AHCTF1: variants seen among roughly 807,000 people sequenced by gnomAD.
AHCTF1 encodes the protein protein ELYS.
In AHCTF1, 24 loss-of-function variants were observed where a neutral mutation model predicts 248.4. The observed-to-expected ratio is 0.10, with a 90% CI of 0.07 to 0.14. AHCTF1 has a LOEUF of 0.14. Among genes scored for constraint, AHCTF1 ranks in the 10% least tolerant of loss-of-function variants. The pLI is 1.00. For missense variants in AHCTF1, 2,206 were observed against 2,636.2 expected (o/e 0.84, Z 3.57); for synonymous variants, 786 against 929.8 (o/e 0.85, Z 2.81).
At chr1:246,889,485 A>G (rs1340382520) in intron 17 of AHCTF1, among the ~76,000 whole-genome samples, 1 of 152,224 alleles carries the variant, frequency 6.6e-6, no homozygotes, top group Non-Finnish European at 1.5e-5. Flanking sequence ...CAGATCTAGA[A>G]TTTTAAAATA....
At chr1:246,887,977 T>C (rs1369021989) in intron 19 of AHCTF1, among the ~76,000 whole-genome samples, 200 bp downstream of exon 19, 2 of 152,064 alleles carry the variant, frequency 1.3e-5, no homozygotes, top group African/African-American at 4.8e-5. Context: ...GAAAAACAAA[T>C]AAAAAACAAA....
rs1208123679 is a variant in AHCTF1, at chr1:246,840,571, A to G, written c.*235T>C. 1 of 246,716 alleles carries G rather than the reference A, an allele frequency of 4.1e-6. No homozygotes were observed. Among genetic ancestry groups the G allele is most frequent in the Non-Finnish European group, 7.6e-6 (1 of 131,510 alleles). The allele number at this position is 246,716 out of a possible 1,614,324, so 15.3% of individuals were successfully genotyped here. The stretch of plus-strand genomic sequence containing the variant: ...AAGTATACATTTTATTTAACATTCC[A>G]TTAATAAGCCATATTTACATATATA... On this transcript the variant is annotated 3_prime_UTR_variant, in exon 36 of 36. Coordinates refer to ENST00000648844, the MANE Select transcript of AHCTF1 (RefSeq NM_001323342.2).
rs143330344 is a variant in AHCTF1, at chr1:246,853,205, C to T, written c.4449G>A (p.Ala1483=). The T allele has an allele frequency of 3.4e-4, 553 of 1,613,450 alleles. No individual in the cohort carries two copies. Among genetic ancestry groups the T allele is most frequent in the African/African-American group, 6.9e-4 (52 of 75,004 alleles). Residue 1483 remains alanine (A), a synonymous_variant, in exon 32 of 36, where the codon GCG becomes GCA. Transcript: ENST00000648844. The part of the protein sequence containing the change: ...VSERRLNQEV[A]LNLKEDHEVE... ...CTTCATGATCTTCTTTTAAGTTCAG[C>T]GCTACTTCCTGGTTAAGCCTGCGCT...
chr1:246,877,035 T>C lies in AHCTF1; in HGVS notation c.2852A>G (p.His951Arg), dbSNP rs780245922. ...FLQSSASVQN[H>R]EFLLVHHLQR... ...CAAATGGTGCACTAAAAGGAATTCA[T>C]GATTCTGAACGCTGGCACTGGACTG... is the stretch of plus-strand genomic sequence containing the variant. Residue 951 changes from histidine to arginine, a missense_variant, in exon 23 of 36, where the codon CAT (histidine) becomes CGT (arginine). Physicochemically the swap from His to Arg is conservative, Grantham distance 29 (BLOSUM62 0). Transcript: ENST00000648844. The C allele has an allele frequency of 2.5e-6, 4 of 1,612,078 alleles. No homozygotes were observed. Among genetic ancestry groups the C allele is most frequent in the East Asian group, 4.5e-5 (2 of 44,872 alleles).
chr1:246,899,796 C>CAT (rs1664865638), intron 10 of AHCTF1, among the ~76,000 whole-genome samples: 2 of 152,084 alleles, frequency 1.3e-5, no homozygotes, highest in Admixed American at 6.6e-5. Flanking sequence ...AGATGTGAAA[C>CAT]AGTTAATATC....
intron 4 of AHCTF1, among the ~76,000 whole-genome samples, chr1:246,912,050 C>A (rs537950963): frequency 6.6e-6 from 1 of 151,884 alleles, no homozygotes; most frequent in Non-Finnish European, 1.5e-5. Flanking sequence ...CAGTTTTAAT[C>A]GGTTTTTTTA....
Position 246,891,071 on chromosome 1 carries a change from G to A in AHCTF1, c.1946-11C>T. On this transcript the variant is annotated splice_polypyrimidine_tract_variant and intron_variant, in intron 15 of 35. Transcript: ENST00000648844. Reference sequence around the variant, plus strand: ...TTAAGTCTATCAGTCCTGTAAAGAAGAGTTAACATCAGTTGTTTACTTACA... The same window carrying A: ...TTAAGTCTATCAGTCCTGTAAAGAAAAGTTAACATCAGTTGTTTACTTACA... 6.6e-7 allele frequency: 1 copy of A among 1,520,434 alleles called. No individual in the cohort carries two copies. The highest frequency in any genetic ancestry group is 8.8e-7 in the Non-Finnish European group (1 of 1,137,432). The allele number at this position is 1,520,434 out of a possible 1,614,324, so 94.2% of individuals were successfully genotyped here. A position where few individuals can be genotyped will look rare whatever the true frequency, so the allele number is the denominator to read the frequency against.
intron 3 of AHCTF1, among the ~76,000 whole-genome samples, chr1:246,914,841 A>G (rs1432061309): frequency 2.6e-5 from 4 of 152,150 alleles, no homozygotes; most frequent in Non-Finnish European, 5.9e-5. Context: ...CCTCATCCAA[A>G]TGATCAATGA....
At chr1:246,906,525 T>C (rs547709309) in intron 5 of AHCTF1, among the ~76,000 whole-genome samples, 1 of 151,930 alleles carries the variant, frequency 6.6e-6, no homozygotes, top group Non-Finnish European at 1.5e-5. Context: ...GAGGTTGCAG[T>C]GAGCCAAGAT....
chr1:246,843,477 TA>T (rs879346566), intron 34 of AHCTF1, among the ~76,000 whole-genome samples: 1 of 152,140 alleles, frequency 6.6e-6, no homozygotes, highest in African/African-American at 2.4e-5. Context: ...ACTATTTCTT[TA>T]AAAAACACCC....
chr1:246,868,970 GAGTAGCTGGGACTAC>G (rs530539292), intron 24 of AHCTF1, among the ~76,000 whole-genome samples: 4,195 of 150,924 alleles, frequency 0.028, 84 homozygotes, highest in Middle Eastern at 0.065. Flanking sequence ...TCAGCCTGCT[GAGTAGCTGGGACTAC>G]AGGCGCCCGC....
intron 1 of AHCTF1, among the ~76,000 whole-genome samples, chr1:246,929,873 G>A (rs1488998451): frequency 1.3e-5 from 2 of 152,168 alleles, no homozygotes; most frequent in South Asian, 2.1e-4. Flanking sequence ...CCAATATGGT[G>A]AAACCCCGTC....
intron 14 of AHCTF1, among the ~76,000 whole-genome samples, chr1:246,894,262 T>A (rs995861485): frequency 6.6e-6 from 1 of 152,300 alleles, no homozygotes; most frequent in African/African-American, 2.4e-5. Flanking sequence ...TTTTGGGACA[T>A]CTTCAAATTT....
Position 246,891,902 on chromosome 1 carries a change from C to A in AHCTF1, c.1822G>T (p.Gly608Cys). Residue 608 changes from glycine to cysteine, a missense_variant, in exon 15 of 36, where the codon GGT (glycine) becomes TGT (cysteine). This residue lies in a region of AHCTF1 where 650 missense variants were observed against 870.8 expected (regional missense o/e 0.75). Transcript: ENST00000648844. ...TGTGGATCCATGAAATGACACGAAC[C>A]ATCAAATAATGGCACACCTTTCAAG... Reference protein sequence around the residue: ...FDRLCVPLFDGSCHFMDPQTI... With the variant: ...FDRLCVPLFDCSCHFMDPQTI... The A allele has an allele frequency of 1.3e-6, 2 of 1,594,512 alleles. No individual in the cohort carries two copies. Among genetic ancestry groups the A allele is most frequent in the Middle Eastern group, 1.7e-4 (1 of 6,004 alleles).
Position 246,888,163 on chromosome 1 carries a change from A to T in AHCTF1, c.2325+14T>A. The T allele has an allele frequency of 1.2e-6, 2 of 1,612,926 alleles. No homozygotes were observed. The highest frequency in any genetic ancestry group is 1.7e-6 in the Non-Finnish European group (2 of 1,179,358). On this transcript the variant is annotated intron_variant, in intron 19 of 35. Coordinates refer to ENST00000648844, the MANE Select transcript of AHCTF1 (RefSeq NM_001323342.2). ...AGTAATACATGAAACACTGGATAAA[A>T]CTTAAAAGGATACAATAGAGTGTTT...
intron 12 of AHCTF1, 86 bp downstream of exon 12, chr1:246,898,122 G>A: frequency 6.4e-7 from 1 of 1,567,096 alleles, no homozygotes; most frequent in Non-Finnish European, 8.7e-7. Flanking sequence ...TATTTTTGCA[G>A]AAATTATCTA....
In AHCTF1 at chr1:246,898,354, G is replaced by GT. The variant is rs1261689994; in HGVS notation, c.1495-19dup. The GT allele has an allele frequency of 6.2e-7, 1 of 1,603,046 alleles. No homozygotes were observed. Among genetic ancestry groups the GT allele is most frequent in the South Asian group, 1.1e-5 (1 of 88,418 alleles). ...GTCAAAGTCTGTAACAGATAAATTAGTAAGGCATCAATCAATGCTCAATTT... is the reference window on the plus strand; with the variant it reads ...GTCAAAGTCTGTAACAGATAAATTAGTTAAGGCATCAATCAATGCTCAATTT... On this transcript the variant is annotated intron_variant, in intron 11 of 35. Transcript: ENST00000648844.
At chr1:246,898,033 G>A (rs1664718123) in intron 12 of AHCTF1, among the ~76,000 whole-genome samples, 175 bp downstream of exon 12, 3 of 152,146 alleles carry the variant, frequency 2.0e-5, no homozygotes, top group Admixed American at 1.3e-4. Flanking sequence ...GGCCTATTGG[G>A]TATTAGGAAT....
Position 246,896,245 on chromosome 1 carries a change from C to T in AHCTF1, c.1624-320G>A, listed in dbSNP as rs184155920. On this transcript the variant is annotated intron_variant, in intron 12 of 35. Coordinates refer to ENST00000648844, the MANE Select transcript of AHCTF1 (RefSeq NM_001323342.2). Reference sequence around the variant, plus strand: ...TATACCAAAAAGAAACAAAAATACACGCCCAAACAAAAATTTCACATGAAG... The same window carrying T: ...TATACCAAAAAGAAACAAAAATACATGCCCAAACAAAAATTTCACATGAAG... Among the ~76,000 whole-genome samples the T allele has an allele frequency of 1.1e-4, 17 of 152,202 alleles. 1 individual carries two copies. The highest frequency in any genetic ancestry group is 4.1e-4 in the South Asian group (2 of 4,832).
Sources: allele counts gnomAD v4.1 joint callset (sites outside exome capture counted in the v4.1 genomes callset), GRCh38; gene constraint gnomAD v4.1.1; regional missense constraint gnomAD v4.1.1; transcripts MANE v1.5; gene names NCBI Gene and HGNC (gene_info 2026-07-23, HGNC 2026-07-21).